The following MTFMT variants were observed in gnomAD, a reference collection of about 807,000 sequenced individuals.
MTFMT encodes methionyl-tRNA formyltransferase, mitochondrial.
MTFMT carries 47 observed loss-of-function variants against 51.8 expected under a neutral mutation model. That is an observed-to-expected ratio of 0.91 (90% CI 0.72 to 1.16). The LOEUF (loss-of-function observed/expected upper bound fraction) is 1.16. Ranked by LOEUF, MTFMT falls within the 50% of genes most tolerant of loss-of-function variation. MTFMT has a pLI of 0.00. For missense variants in MTFMT, 512 were observed against 482.3 expected (o/e 1.06, Z -0.58); for synonymous variants, 196 against 176.7 (o/e 1.11, Z -0.87).
intron 6 of MTFMT, among the ~76,000 whole-genome samples, chr15:65,007,160 A>G (rs1012407272): frequency 1.3e-5 from 2 of 152,196 alleles, no homozygotes; most frequent in African/African-American, 4.8e-5. Flanking sequence ...CTGGTATTCA[A>G]TCTGTGAGGT....
intron 8 of MTFMT, 101 bp downstream of exon 8, chr15:65,004,753 T>G (rs1194726673): frequency 1.4e-5 from 9 of 648,248 alleles, no homozygotes; most frequent in Non-Finnish European, 2.0e-5. Context: ...ACCCAATCTA[T>G]GGACAGGCAG....
intron 1 of MTFMT, among the ~76,000 whole-genome samples, chr15:65,028,731 G>A (rs912877897): frequency 6.6e-6 from 1 of 152,026 alleles, no homozygotes; most frequent in Non-Finnish European, 1.5e-5. Flanking sequence ...AAGTATATAC[G>A]GTATTGCCAC....
intron 3 of MTFMT, among the ~76,000 whole-genome samples, chr15:65,023,433 C>T (rs896791050): frequency 1.3e-4 from 20 of 152,108 alleles, no homozygotes; most frequent in Non-Finnish European, 2.2e-4. Flanking sequence ...ATAATATAAC[C>T]TATTTCAATT....
In MTFMT at chr15:65,020,268, A is replaced by G. The variant is rs1566943102; in HGVS notation, c.650T>C (p.Ile217Thr). 6.9e-6 allele frequency: 11 copies of G among 1,605,734 alleles called. No individual in the cohort carries two copies. The highest frequency in any genetic ancestry group is 3.3e-4 in the Middle Eastern group (2 of 6,078). Residue 217 changes from isoleucine to threonine, a missense_variant, in exon 5 of 9, where the codon ATT (isoleucine) becomes ACT (threonine). Coordinates refer to ENST00000220058, the MANE Select transcript of MTFMT (RefSeq NM_139242.4). ...VLSRLGANML[I>T]SVLKNLPESL... ...TTCAGGCAAATTTTTCAAAACTGAA[A>G]TGAGCTACAAAAAAAAAAAAAAGAG...
intron 5 of MTFMT, 28 bp from the exon 6 acceptor site, chr15:65,016,555 G>T: frequency 6.9e-7 from 1 of 1,449,814 alleles, no homozygotes; most frequent in South Asian, 1.1e-5. Context: ...GAGCAAAAAT[G>T]AACATCAGGG....
At chr15:65,023,243 A>G (rs1160517965) in intron 3 of MTFMT, among the ~76,000 whole-genome samples, 1 of 152,186 alleles carries the variant, frequency 6.6e-6, no homozygotes, top group Non-Finnish European at 1.5e-5. Flanking sequence ...ACAGGAAAAA[A>G]TGAATGTTTT....
intron 7 of MTFMT, among the ~76,000 whole-genome samples, chr15:65,005,539 G>C (rs1168230011): frequency 6.6e-6 from 1 of 151,810 alleles, no homozygotes; most frequent in Non-Finnish European, 1.5e-5. Flanking sequence ...AAAACCTTAA[G>C]GCAGGAAATC....
chr15:65,003,129 T>A lies in MTFMT; in HGVS notation c.1103A>T (p.Gln368Leu). ...CTTCTTTGTTGGAAGTCTGAGAGTC[T>A]GAAATCTGCATTGGCTTGGTTGAGC... ...SQAQPSQCRF[Q>L]TLRLPTKKKQ... Residue 368 changes from glutamine (Q) to leucine (L), a missense_variant, in exon 9 of 9, where the codon CAG (glutamine) becomes CTG (leucine). By Grantham distance (113) the Gln-to-Leu change is moderately radical (BLOSUM62 -2). Transcript: ENST00000220058. 1 of 1,613,414 alleles carries A rather than the reference T, an allele frequency of 6.2e-7. No homozygotes were observed. Among genetic ancestry groups the A allele is most frequent in the Non-Finnish European group, 8.5e-7 (1 of 1,179,624 alleles).
At chr15:65,021,351 C>T (rs543151107) in intron 4 of MTFMT, among the ~76,000 whole-genome samples, 163 bp downstream of exon 4, 1 of 152,336 alleles carries the variant, frequency 6.6e-6, no homozygotes, top group South Asian at 2.1e-4. Flanking sequence ...CAAAGATTTA[C>T]ATGAGATCAC....
intron 6 of MTFMT, among the ~76,000 whole-genome samples, chr15:65,007,757 T>C (rs1342677529): frequency 6.6e-6 from 1 of 152,224 alleles, no homozygotes; most frequent in African/African-American, 2.4e-5. Flanking sequence ...TGCCTATTTA[T>C]GCCCTTTGGT....
At chr15:65,006,253 A>T (rs1012454980) in intron 6 of MTFMT, 62 bp from the exon 7 acceptor site, 3 of 1,324,700 alleles carry the variant, frequency 2.3e-6, no homozygotes, top group Non-Finnish European at 3.2e-6. Flanking sequence ...ACCCTTTTCA[A>T]CTACTATTTT....
chr15:65,024,085 G>C (rs1171002341), intron 2 of MTFMT, among the ~76,000 whole-genome samples: 1 of 152,194 alleles, frequency 6.6e-6, no homozygotes, highest in Non-Finnish European at 1.5e-5. Flanking sequence ...CCAGCACTTT[G>C]AGAGGCCGAG....
At chr15:65,020,519 C>T (rs2086365749) in intron 4 of MTFMT, among the ~76,000 whole-genome samples, 2 of 152,280 alleles carry the variant, frequency 1.3e-5, no homozygotes, top group South Asian at 4.1e-4. Context: ...GGGGAAACCT[C>T]AGTAGAGATT....
At chr15:65,009,418 C>T (rs2086244422) in intron 6 of MTFMT, among the ~76,000 whole-genome samples, 1 of 152,138 alleles carries the variant, frequency 6.6e-6, no homozygotes, top group Non-Finnish European at 1.5e-5. Flanking sequence ...ATGTTCCTCC[C>T]CAGACATCCT....
chr15:65,028,657 G>A (rs1450210213), intron 1 of MTFMT, among the ~76,000 whole-genome samples: 3 of 151,922 alleles, frequency 2.0e-5, no homozygotes, highest in African/African-American at 7.3e-5. Context: ...AGTGGAAGGA[G>A]GACTGCGTCA....
chr15:65,027,109 A>G (rs896687696), intron 1 of MTFMT, 69 bp from the exon 2 acceptor site: 2 of 1,076,384 alleles, frequency 1.9e-6, no homozygotes, highest in African/African-American at 3.1e-5. Flanking sequence ...TACTTCACAT[A>G]TCGCTAAGTA....
In MTFMT at chr15:65,014,475, C is replaced by A. The variant is rs144758910; in HGVS notation, c.813+1961G>T. On this transcript the variant is annotated intron_variant, in intron 6 of 8. Coordinates refer to ENST00000220058, the MANE Select transcript of MTFMT (RefSeq NM_139242.4). ...AGTAGCTAGGATTACAGGCATGCGCCACTAGGTCTGGCTAATTTTTTTGTA... is the reference window on the plus strand; with the variant it reads ...AGTAGCTAGGATTACAGGCATGCGCAACTAGGTCTGGCTAATTTTTTTGTA... Among the ~76,000 whole-genome samples, 582 of 152,088 alleles carry A rather than the reference C, an allele frequency of 3.8e-3. 1 individual carries two copies. The highest frequency in any genetic ancestry group is 0.013 in the African/African-American group (557 of 41,492).
At chr15:65,020,778 G>A (rs1413935750) in intron 4 of MTFMT, among the ~76,000 whole-genome samples, 1 of 152,144 alleles carries the variant, frequency 6.6e-6, no homozygotes, top group African/African-American at 2.4e-5. Flanking sequence ...CATCATCTGT[G>A]AAACAATCAA....
In MTFMT at chr15:65,016,522, T is replaced by C. The variant is rs1366660086; in HGVS notation, c.727A>G (p.Lys243Glu). 1 of 1,609,590 alleles carries C rather than the reference T, an allele frequency of 6.2e-7. No homozygotes were observed. Residue 243 changes from lysine to glutamate, a missense_variant, in exon 6 of 9, where the codon AAG becomes GAG. Coordinates refer to ENST00000220058, the MANE Select transcript of MTFMT (RefSeq NM_139242.4). ...ATACAACTGGTACCAGCAGAAATCT[T>C]AGGGGCTACAAGATAAAACCAAGAG... ...QPMEGATYAP[K>E]ISAGTSCIKW...
Sources: allele counts gnomAD v4.1 joint callset (sites outside exome capture counted in the v4.1 genomes callset), GRCh38; gene constraint gnomAD v4.1.1; transcripts MANE v1.5; gene names NCBI Gene and HGNC (gene_info 2026-07-23, HGNC 2026-07-21).